Variants in HIPK3 observed in about 807,000 individuals in gnomAD.
HIPK3 encodes homeodomain-interacting protein kinase 3.
HIPK3 carries 47 observed loss-of-function variants against 124.2 expected under a neutral mutation model. That is an observed-to-expected ratio of 0.38 (90% CI 0.30 to 0.48). The LOEUF is 0.48. Ranked by LOEUF, HIPK3 falls within the 20% of genes least tolerant of loss-of-function variation. The probability of loss-of-function intolerance (pLI) is 0.98; values close to 1 mark genes in which losing one functional copy is unlikely to be tolerated. For synonymous variants in HIPK3, 482 were observed against 515.2 expected (o/e 0.94, Z 0.87); for missense variants, 1,286 against 1,454.3 (o/e 0.88, Z 1.88).
chr11:33,302,734 A>T lies in HIPK3; in HGVS notation c.1097+15223A>T, dbSNP rs574154660. On this transcript the variant is annotated intron_variant, in intron 2 of 16. Coordinates refer to ENST00000303296, the MANE Select transcript of HIPK3 (RefSeq NM_005734.5). ...AGAATAATAATATAATCAAATTTGCATAGAACGAGTGGACCAGGAGCTGTT... is the reference window on the plus strand; with the variant it reads ...AGAATAATAATATAATCAAATTTGCTTAGAACGAGTGGACCAGGAGCTGTT... 2.0e-4 allele frequency among the ~76,000 whole-genome samples: 30 copies of T among 152,338 alleles called. 1 individual carries two copies. The highest frequency in any genetic ancestry group is 6.8e-3 in the Middle Eastern group (2 of 294).
chr11:33,266,210 T>A (rs746718412), intron 1 of HIPK3, among the ~76,000 whole-genome samples: 2 of 151,904 alleles, frequency 1.3e-5, no homozygotes, highest in Non-Finnish European at 2.9e-5. Context: ...CTGAATACTG[T>A]AAATTTTCTT....
intron 2 of HIPK3, 150 bp downstream of exon 2, chr11:33,287,661 TA>T (rs1171667687): frequency 1.9e-5 from 16 of 850,608 alleles, no homozygotes; most frequent in South Asian, 4.5e-5. Flanking sequence ...TTAAAGAGAT[TA>T]AAAAAAATCA....
In HIPK3 at chr11:33,353,800, T is replaced by C. The variant is rs115163947; in HGVS notation, c.*232T>C. 1.1e-3 allele frequency: 517 copies of C among 468,006 alleles called. 2 individuals are homozygous for C. The highest frequency in any genetic ancestry group is 8.3e-3 in the African/African-American group (423 of 51,130). The allele number at this position is 468,006 out of a possible 1,614,324, so 29.0% of individuals were successfully genotyped here. A position where few individuals can be genotyped will look rare whatever the true frequency, so the allele number is the denominator to read the frequency against. ...GTAGTAACTCTAGACAGGTGACTTATGGGAGCAGAAGTCCAGTTTTGCTCC... is the reference window on the plus strand; with the variant it reads ...GTAGTAACTCTAGACAGGTGACTTACGGGAGCAGAAGTCCAGTTTTGCTCC... On this transcript the variant is annotated 3_prime_UTR_variant, in exon 17 of 17. Transcript: ENST00000303296.
intron 1 of HIPK3, among the ~76,000 whole-genome samples, chr11:33,270,398 T>C (rs2133874450): frequency 6.6e-6 from 1 of 152,118 alleles, no homozygotes; most frequent in Middle Eastern, 3.4e-3. Flanking sequence ...AACTTCCGCC[T>C]CCTGGGTTCA....
At chr11:33,296,195 A>C (rs1346106186) in intron 2 of HIPK3, among the ~76,000 whole-genome samples, 7 of 152,148 alleles carry the variant, frequency 4.6e-5, no homozygotes, top group African/African-American at 1.7e-4. Context: ...CAGAGAGAGC[A>C]TCTTTCTTTA....
In HIPK3 at chr11:33,261,550, C is replaced by CT. The variant is rs1328171936; in HGVS notation, c.-3+3668dup. Among the ~76,000 whole-genome samples the CT allele has an allele frequency of 2.0e-5, 3 of 152,102 alleles. No homozygotes were observed. The East Asian group carries it at 5.8e-4, about 29-fold the overall frequency. On this transcript the variant is annotated intron_variant, in intron 1 of 16. Coordinates refer to ENST00000303296, the MANE Select transcript of HIPK3 (RefSeq NM_005734.5). ...TTCCTGCAAAGGACATGACATCATT[C>CT]TTTTTTTATGGCTGCATAGTATTCC...
chr11:33,341,703 A>C lies in HIPK3; in HGVS notation c.1897+17A>C, dbSNP rs1333895310. The C allele has an allele frequency of 6.3e-7, 1 of 1,589,146 alleles. No individual in the cohort carries two copies. Among genetic ancestry groups the C allele is most frequent in the Non-Finnish European group, 8.6e-7 (1 of 1,169,144 alleles). ...CTATTCAAGGTATTATTTTATTTAA[A>C]TTTTGCTTTGAATCTAGGCATGCTT... On this transcript the variant is annotated intron_variant, in intron 8 of 16. Coordinates refer to ENST00000303296, the MANE Select transcript of HIPK3 (RefSeq NM_005734.5).
intron 2 of HIPK3, among the ~76,000 whole-genome samples, chr11:33,320,670 T>C (rs1852637771): frequency 6.6e-6 from 1 of 152,124 alleles, no homozygotes; most frequent in Non-Finnish European, 1.5e-5. Flanking sequence ...TCAATGGAAT[T>C]TGCTGATGTG....
intron 7 of HIPK3, 83 bp downstream of exon 7, chr11:33,341,210 G>C: frequency 1.0e-6 from 1 of 999,142 alleles, no homozygotes; most frequent in East Asian, 2.6e-5. Context: ...GAAGTTTGGT[G>C]TCAGTTGTTA....
intron 1 of HIPK3, among the ~76,000 whole-genome samples, chr11:33,276,206 G>A (rs904943961): frequency 2.6e-5 from 4 of 152,106 alleles, no homozygotes; most frequent in African/African-American, 9.7e-5. Context: ...TTGAGAGTAA[G>A]TTGCAGGCAT....
chr11:33,276,198 G>C (rs1483732283), intron 1 of HIPK3, among the ~76,000 whole-genome samples: 1 of 151,924 alleles, frequency 6.6e-6, no homozygotes, highest in Non-Finnish European at 1.5e-5. Flanking sequence ...TGAATTTTTT[G>C]AGAGTAAGTT....
In HIPK3 at chr11:33,307,500, G is replaced by A. The variant is rs560152440; in HGVS notation, c.1097+19989G>A. ...TGCAAGCTCCGCCTCCCAGGTTCAC[G>A]CCATTCTCCTGCCTTAGCCCCCCGA... is the stretch of plus-strand genomic sequence containing the variant. On this transcript the variant is annotated intron_variant, in intron 2 of 16. Coordinates refer to ENST00000303296, the MANE Select transcript of HIPK3 (RefSeq NM_005734.5). Among the ~76,000 whole-genome samples the A allele has an allele frequency of 1.1e-4, 17 of 149,466 alleles. No homozygotes were observed. The South Asian group carries it at 3.6e-3, about 32-fold the overall frequency.
chr11:33,267,755 CAAA>C (rs1219110127), intron 1 of HIPK3, among the ~76,000 whole-genome samples: 2 of 152,062 alleles, frequency 1.3e-5, no homozygotes, highest in African/African-American at 4.8e-5. Flanking sequence ...CTCGGCCTCC[CAAA>C]GTGCTGGGAT....
chr11:33,347,606 T>C, intron 9 of HIPK3, 23 bp from the exon 10 acceptor site: 1 of 1,606,558 alleles, frequency 6.2e-7, no homozygotes, highest in Non-Finnish European at 8.5e-7. Flanking sequence ...TTATTTTCTA[T>C]TGTTTTGCTT....
chr11:33,290,236 A>C lies in HIPK3; in HGVS notation c.1097+2725A>C, dbSNP rs558798208. Among the ~76,000 whole-genome samples the C allele has an allele frequency of 4.6e-5, 7 of 152,304 alleles. No individual in the cohort carries two copies. The South Asian group carries it at 1.5e-3, about 32-fold the overall frequency. On this transcript the variant is annotated intron_variant, in intron 2 of 16. Coordinates refer to ENST00000303296, the MANE Select transcript of HIPK3 (RefSeq NM_005734.5). ...ACCATTAAAACTTTTCAGATCATTT[A>C]AAATTTTAAATTTGCTGTTGCAGGG...
rs764073016 is a variant in HIPK3, at chr11:33,328,647, A to G, written c.1221+14A>G. 1.2e-6 allele frequency: 2 copies of G among 1,611,256 alleles called. No individual in the cohort carries two copies. The highest frequency in any genetic ancestry group is 2.7e-5 in the African/African-American group (2 of 74,976). ...GAGTATGATCAGGTAACAAATAATG[A>G]TAATCTAATAGAATTGGTAAAAAGT... is the stretch of plus-strand genomic sequence containing the variant. On this transcript the variant is annotated intron_variant, in intron 3 of 16. Coordinates refer to ENST00000303296, the MANE Select transcript of HIPK3 (RefSeq NM_005734.5).
At chr11:33,307,186 G>A (rs905452203) in intron 2 of HIPK3, among the ~76,000 whole-genome samples, 8 of 151,898 alleles carry the variant, frequency 5.3e-5, no homozygotes, top group African/African-American at 1.7e-4. Context: ...TGATCTGCCC[G>A]CCTCAGCCTC....
chr11:33,331,248 A>G (rs1476058154), intron 3 of HIPK3, among the ~76,000 whole-genome samples: 1 of 152,032 alleles, frequency 6.6e-6, no homozygotes, highest in African/African-American at 2.4e-5. Context: ...GATTTTCCCC[A>G]TCTCGCTAGA....
chr11:33,272,440 G>A lies in HIPK3; in HGVS notation c.-2-13973G>A, dbSNP rs1403838620. On this transcript the variant is annotated intron_variant, in intron 1 of 16. Transcript: ENST00000303296. ...TAATAATTCAATGTCGTTTCTTTGT[G>A]GGTACTGTCTTGAGAAGCTGCTTGT... Among the ~76,000 whole-genome samples the A allele has an allele frequency of 2.0e-5, 3 of 151,912 alleles. No homozygotes were observed. The East Asian group carries it at 5.8e-4, about 29-fold the overall frequency.
Sources: allele counts gnomAD v4.1 joint callset (sites outside exome capture counted in the v4.1 genomes callset), GRCh38; gene constraint gnomAD v4.1.1; transcripts MANE v1.5; gene names NCBI Gene and HGNC (gene_info 2026-07-23, HGNC 2026-07-21).